The following SH3PXD2A variants were observed in gnomAD, a reference collection of about 807,000 sequenced individuals.
SH3PXD2A encodes the protein SH3 and PX domain-containing protein 2A.
SH3PXD2A carries 32 observed loss-of-function variants against 115.2 expected under a neutral mutation model. The observed-to-expected ratio is 0.28, with a 90% confidence interval of 0.21 to 0.37. SH3PXD2A has a LOEUF of 0.37. SH3PXD2A is among the 10% of genes least tolerant of loss of function. The pLI is 1.00. For missense variants in SH3PXD2A, 1,328 were observed against 1,498.7 expected, an observed-to-expected ratio of 0.89 and a Z score of 1.88; for synonymous variants, 610 against 629.1, an observed-to-expected ratio of 0.97 and a Z score of 0.45.
At chr10:103,743,337 C>T (rs549378009) in intron 3 of SH3PXD2A, among the ~76,000 whole-genome samples, 94 of 152,192 alleles carry the variant, frequency 6.2e-4, no homozygotes, top group South Asian at 8.3e-4. Context: ...CCCAACTCAC[C>T]GAGTCACTGA....
chr10:103,729,343 G>A (rs1376515522), intron 4 of SH3PXD2A, among the ~76,000 whole-genome samples: 1 of 152,258 alleles, frequency 6.6e-6, no homozygotes, highest in Non-Finnish European at 1.5e-5. Context: ...GAACACAGCT[G>A]AGGCAAATCC....
At chr10:103,743,165 A>G (rs1268180773) in intron 3 of SH3PXD2A, among the ~76,000 whole-genome samples, 1 of 152,144 alleles carries the variant, frequency 6.6e-6, no homozygotes, top group Admixed American at 6.5e-5. Context: ...TGACAGATTG[A>G]TGAAGACAGA....
chr10:103,790,886 A>C (rs887634676), intron 2 of SH3PXD2A, among the ~76,000 whole-genome samples: 1 of 152,208 alleles, frequency 6.6e-6, no homozygotes, highest in Non-Finnish European at 1.5e-5. Context: ...CCTGGTTGGA[A>C]AACTTATAAT....
At chr10:103,626,249 A>G (rs12416648) in intron 9 of SH3PXD2A, among the ~76,000 whole-genome samples, 111,659 of 152,320 alleles carry the variant, frequency 0.73, 41,893 homozygotes, top group East Asian at 0.93. Flanking sequence ...AGGAGCTGGC[A>G]CTTGGCGGCT....
At chr10:103,705,962 G>A (rs927603491) in intron 5 of SH3PXD2A, among the ~76,000 whole-genome samples, 10 of 150,510 alleles carry the variant, frequency 6.6e-5, no homozygotes, top group Admixed American at 5.3e-4. Context: ...TCGTGCCACT[G>A]CACTCCAGCC....
At position 103,632,702 on chromosome 10, in the gene SH3PXD2A, G is replaced by A. The variant is rs180781747; in HGVS notation, c.605-5500C>T. ...GGCATCAACAGAGCCTGGGCCGGGC[G>A]CGGTGGCTCACACCTGTAATCCCAA... On this transcript the variant is annotated intron_variant, in intron 8 of 14. Coordinates refer to ENST00000369774, the MANE Select transcript of SH3PXD2A (RefSeq NM_001394015.1). Among the ~76,000 whole-genome samples, 84 of 152,314 alleles carry A rather than the reference G, an allele frequency of 5.5e-4. 1 individual carries two copies. Among genetic ancestry groups the A allele is most frequent in the East Asian group, 7.7e-4 (4 of 5,188 alleles).
chr10:103,739,242 G>A (rs1390389029), intron 3 of SH3PXD2A, among the ~76,000 whole-genome samples: 1 of 152,190 alleles, frequency 6.6e-6, no homozygotes, highest in East Asian at 1.9e-4. Context: ...TCTGAGTGAG[G>A]CCACCGGGCC....
At chr10:103,755,345 ATG>A (rs2038628542) in intron 3 of SH3PXD2A, 1 of 152,240 alleles carries the variant, frequency 6.6e-6, no homozygotes, top group Non-Finnish European at 1.5e-5. Flanking sequence ...GATTTCAGAG[ATG>A]GGGATTATGA....
chr10:103,685,503 C>G (rs1456460643), intron 6 of SH3PXD2A, among the ~76,000 whole-genome samples: 2 of 152,126 alleles, frequency 1.3e-5, no homozygotes, highest in Non-Finnish European at 2.9e-5. Flanking sequence ...CACCTTCCCC[C>G]TGTCTGATTG....
intron 3 of SH3PXD2A, among the ~76,000 whole-genome samples, chr10:103,741,433 C>T: frequency 6.6e-6 from 1 of 152,176 alleles, no homozygotes; most frequent in East Asian, 1.9e-4. Flanking sequence ...TGGCAGTCAC[C>T]CCACTCTGGC....
rs567855536 is a variant in SH3PXD2A, at chr10:103,849,982, CTT to C, written c.72+5211_72+5212del. ...AAAGAGAACACAGTTGCCCATTAGA[CTT>C]TTTCTGGCCAAGAAATAGTCTGGTC... On this transcript the variant is annotated intron_variant, in intron 1 of 14. Coordinates refer to ENST00000369774, the MANE Select transcript of SH3PXD2A (RefSeq NM_001394015.1). 1.9e-3 allele frequency among the ~76,000 whole-genome samples: 282 copies of C among 152,258 alleles called. 1 individual carries two copies. The highest frequency in any genetic ancestry group is 3.6e-3 in the Non-Finnish European group (245 of 68,008).
chr10:103,634,924 A>G (rs2036842071), intron 8 of SH3PXD2A, among the ~76,000 whole-genome samples: 1 of 152,126 alleles, frequency 6.6e-6, no homozygotes, highest in Admixed American at 6.5e-5. Context: ...TAAAGGAGAC[A>G]CTGCAGGGAG....
chr10:103,607,466 C>T (rs1373508813), intron 13 of SH3PXD2A, among the ~76,000 whole-genome samples: 8 of 152,002 alleles, frequency 5.3e-5, no homozygotes, highest in South Asian at 4.1e-4. Flanking sequence ...TCTGCCCAGC[C>T]GCCCCTACTG....
At chr10:103,822,319 T>C (rs2039389215) in intron 1 of SH3PXD2A, among the ~76,000 whole-genome samples, 2 of 152,240 alleles carry the variant, frequency 1.3e-5, no homozygotes, top group Non-Finnish European at 2.9e-5. Flanking sequence ...TTTTTTGTTA[T>C]TTGGAATACA....
At chr10:103,694,297 C>T (rs1237463534) in intron 5 of SH3PXD2A, among the ~76,000 whole-genome samples, 4 of 144,110 alleles carry the variant, frequency 2.8e-5, no homozygotes, top group Non-Finnish European at 4.5e-5. Context: ...TGGGGGGATG[C>T]GGTGGAAGGG....
intron 8 of SH3PXD2A, among the ~76,000 whole-genome samples, chr10:103,637,400 G>T (rs2036883599): frequency 6.6e-6 from 1 of 152,194 alleles, no homozygotes; most frequent in African/African-American, 2.4e-5. Flanking sequence ...TCAGAGCTCA[G>T]AATGTGGGCT....
chr10:103,803,949 G>A (rs912728567), intron 1 of SH3PXD2A, among the ~76,000 whole-genome samples: 2 of 152,160 alleles, frequency 1.3e-5, no homozygotes, highest in African/African-American at 4.8e-5. Flanking sequence ...AGTCGGGGAC[G>A]AGGGGCTTCC....
chr10:103,787,357 T>C (rs558884012), intron 2 of SH3PXD2A, among the ~76,000 whole-genome samples: 131 of 152,298 alleles, frequency 8.6e-4, no homozygotes, highest in African/African-American at 3.0e-3. Context: ...ACCAAATATA[T>C]ATATAAAGCA....
intron 9 of SH3PXD2A, among the ~76,000 whole-genome samples, chr10:103,626,182 GA>G (rs2036689922): frequency 1.3e-5 from 2 of 152,288 alleles, no homozygotes; most frequent in Admixed American, 1.3e-4. Flanking sequence ...GACATAGGAG[GA>G]AGGGCGAAGC....
Sources: allele counts gnomAD v4.1 joint callset (sites outside exome capture counted in the v4.1 genomes callset), GRCh38; gene constraint gnomAD v4.1.1; transcripts MANE v1.5; gene names NCBI Gene and HGNC (gene_info 2026-07-23, HGNC 2026-07-21).